Variants in IL1RAPL2 observed in about 807,000 individuals in gnomAD.
IL1RAPL2 encodes interleukin 1 receptor accessory protein like 2.
A neutral mutation model predicts 44.1 loss-of-function variants in IL1RAPL2; 3 were observed. The ratio of observed to expected loss-of-function variants is 0.07; its 90% confidence interval spans 0.03 to 0.18. The LOEUF (loss-of-function observed/expected upper bound fraction) is 0.18. IL1RAPL2 is among the 10% of genes least tolerant of loss of function. The pLI, the probability that IL1RAPL2 is intolerant of heterozygous loss-of-function variation, is 1.00. For missense variants in IL1RAPL2, 391 were observed against 496.4 expected, an observed-to-expected ratio of 0.79 and a Z score of 2.02; for synonymous variants, 181 against 178.8, an observed-to-expected ratio of 1.01 and a Z score of -0.10.
chrX:104,936,621 C>CTTTT (rs1186693127), intron 2 of IL1RAPL2, among the ~76,000 whole-genome samples: 12 of 88,549 alleles, frequency 1.4e-4, no homozygotes, highest in African/African-American at 5.0e-4. Flanking sequence ...TTACCAGACT[C>CTTTT]TTTTTTTTTT....
intron 5 of IL1RAPL2, among the ~76,000 whole-genome samples, chrX:105,288,859 T>C (rs182091312): frequency 1.8e-5 from 2 of 110,990 alleles, no homozygotes; most frequent in East Asian, 5.7e-4. Flanking sequence ...TCAATTAGAA[T>C]TCTTATATCC....
chrX:105,287,190 A>T (rs2034578596), intron 5 of IL1RAPL2, among the ~76,000 whole-genome samples: 1 of 111,989 alleles, frequency 8.9e-6, no homozygotes, highest in Non-Finnish European at 1.9e-5. Flanking sequence ...TGAGATCAGG[A>T]AAGGCTTCTT....
intron 6 of IL1RAPL2, among the ~76,000 whole-genome samples, chrX:105,694,091 TTAAA>T (rs1441027811): frequency 9.0e-6 from 1 of 111,702 alleles, no homozygotes; most frequent in Admixed American, 9.5e-5. Context: ...CAACAAGAGA[TTAAA>T]TAAAAGCAGA....
chrX:105,489,595 G>A (rs2036294415), intron 6 of IL1RAPL2, among the ~76,000 whole-genome samples: 1 of 110,879 alleles, frequency 9.0e-6, no homozygotes, highest in Admixed American at 9.6e-5. Context: ...TTTAATTAAA[G>A]GTGAGTTTCA....
intron 2 of IL1RAPL2, among the ~76,000 whole-genome samples, chrX:104,814,826 T>C (rs918896045): frequency 1.8e-5 from 2 of 112,171 alleles, no homozygotes; most frequent in African/African-American, 6.5e-5. Context: ...AGAAATGTTC[T>C]TAATGAGTTC....
chrX:105,393,693 C>G lies in IL1RAPL2; in HGVS notation c.698-90620C>G, dbSNP rs184408649. Among the ~76,000 whole-genome samples the G allele has an allele frequency of 2.7e-5, 3 of 111,781 alleles. No homozygotes were observed. The East Asian group carries it at 8.5e-4, about 32-fold the overall frequency. The stretch of plus-strand genomic sequence containing the variant: ...AGTAAACTATGTCATATTTCTCTTA[C>G]TGTCATAATTTTGTAAAGATGGTTT... On this transcript the variant is annotated intron_variant, in intron 5 of 10. Transcript: ENST00000372582.
At chrX:104,659,800 T>C (rs1930351479) in intron 2 of IL1RAPL2, among the ~76,000 whole-genome samples, 1 of 112,087 alleles carries the variant, frequency 8.9e-6, no homozygotes, top group Non-Finnish European at 1.9e-5. Flanking sequence ...GAGAATTAAA[T>C]GTATTTGCTT....
At chrX:104,892,269 G>C (rs1923479117) in intron 2 of IL1RAPL2, among the ~76,000 whole-genome samples, 1 of 111,454 alleles carries the variant, frequency 9.0e-6, no homozygotes, top group South Asian at 3.8e-4. Flanking sequence ...TTTTTGTTGT[G>C]TCTCTGTCAG....
chrX:105,025,170 A>C (rs1309578799), intron 2 of IL1RAPL2, among the ~76,000 whole-genome samples: 1 of 111,234 alleles, frequency 9.0e-6, no homozygotes, highest in Non-Finnish European at 1.9e-5. Flanking sequence ...TCAAGGAAGA[A>C]AAGAGGGAAG....
chrX:105,484,390 A>G lies in IL1RAPL2; in HGVS notation c.772+3A>G, dbSNP rs769722783. On this transcript the variant is annotated splice_donor_region_variant and intron_variant, in intron 6 of 10. Transcript: ENST00000372582. ...AAGTGTTATAGATGTCCAGCTGGGT[A>G]AGTCCCCTCCTTGGAATAACACTTC... The G allele has an allele frequency of 3.5e-5, 41 of 1,165,059 alleles. No individual in the cohort carries two copies. The East Asian group carries it at 1.2e-3, about 34-fold the overall frequency.
intron 2 of IL1RAPL2, among the ~76,000 whole-genome samples, chrX:104,964,149 A>G (rs1186647476): frequency 9.0e-6 from 1 of 110,726 alleles, no homozygotes; most frequent in Admixed American, 9.7e-5. Context: ...CATTTATTTC[A>G]ACCAATTCCT....
chrX:105,468,843 G>T (rs2036147881), intron 5 of IL1RAPL2, among the ~76,000 whole-genome samples: 1 of 111,959 alleles, frequency 8.9e-6, no homozygotes, highest in Non-Finnish European at 1.9e-5. Context: ...TCAGATGAGA[G>T]GAAGTTGGGA....
chrX:105,410,050 A>G (rs1457192604), intron 5 of IL1RAPL2, among the ~76,000 whole-genome samples: 1 of 111,006 alleles, frequency 9.0e-6, no homozygotes, highest in Non-Finnish European at 1.9e-5. Flanking sequence ...TGGAGGTGCC[A>G]TTAATTAAGA....
chrX:104,850,544 G>C (rs1922198409), intron 2 of IL1RAPL2, among the ~76,000 whole-genome samples: 1 of 111,576 alleles, frequency 9.0e-6, no homozygotes. Context: ...ATTTATCTAG[G>C]TTTTAAGACT....
At chrX:105,254,987 G>C (rs1471002624) in intron 4 of IL1RAPL2, among the ~76,000 whole-genome samples, 1 of 111,778 alleles carries the variant, frequency 8.9e-6, no homozygotes, top group African/African-American at 3.3e-5. Flanking sequence ...CATTTAACGT[G>C]ATGCCTACAG....
chrX:105,076,774 A>G (rs1226530935), intron 2 of IL1RAPL2, among the ~76,000 whole-genome samples: 3 of 111,538 alleles, frequency 2.7e-5, no homozygotes, highest in Non-Finnish European at 5.6e-5. Context: ...TTCTTGTTGA[A>G]TTGATCCCTT....
intron 2 of IL1RAPL2, among the ~76,000 whole-genome samples, chrX:104,793,786 G>A (rs1005376865): frequency 3.6e-5 from 4 of 111,628 alleles, no homozygotes; most frequent in Non-Finnish European, 5.6e-5. Flanking sequence ...TTATAAAGAT[G>A]TGGAAACTCA....
intron 6 of IL1RAPL2, among the ~76,000 whole-genome samples, chrX:105,611,323 G>A (rs761656854): frequency 8.1e-4 from 90 of 111,117 alleles, no homozygotes; most frequent in African/African-American, 2.8e-3. Flanking sequence ...AATGAATTTA[G>A]TGTACCCTAA....
intron 2 of IL1RAPL2, among the ~76,000 whole-genome samples, chrX:104,769,295 T>C (rs1289243405): frequency 9.0e-6 from 1 of 111,651 alleles, no homozygotes; most frequent in Non-Finnish European, 1.9e-5. Context: ...TTGTTGAAGA[T>C]GACACTGGCC....
Sources: gnomAD v4.1 joint callset for allele counts (sites outside exome capture counted in the v4.1 genomes callset) on GRCh38, gnomAD v4.1.1 for gene constraint, MANE v1.5 for transcripts, NCBI Gene and HGNC (gene_info 2026-07-23, HGNC 2026-07-21) for gene names.